SEMA3A: variants seen among roughly 807,000 people sequenced by gnomAD.
SEMA3A encodes the protein semaphorin 3A.
SEMA3A carries 29 observed loss-of-function variants against 97.9 expected under a neutral mutation model. The observed-to-expected ratio is 0.30, with a 90% CI of 0.22 to 0.40. The LOEUF (loss-of-function observed/expected upper bound fraction) is 0.40, where lower values mean the gene tolerates loss of function less well. Ranked by LOEUF, SEMA3A falls within the 10% of genes least tolerant of loss-of-function variation. SEMA3A has a pLI of 1.00. For synonymous variants in SEMA3A, 321 were observed against 323.7 expected (o/e 0.99, Z 0.09); for missense variants, 763 against 951.3 (o/e 0.80, Z 2.60).
chr7:84,352,093 G>A (rs1363009782), intron 2 of SEMA3A, among the ~76,000 whole-genome samples: 1 of 150,664 alleles, frequency 6.6e-6, no homozygotes, highest in African/African-American at 2.4e-5. Context: ...GGATGGAACT[G>A]GAGGACCTTT....
chr7:84,233,136 A>G (rs543759068), intron 3 of SEMA3A, among the ~76,000 whole-genome samples: 50 of 152,150 alleles, frequency 3.3e-4, no homozygotes, highest in Admixed American at 3.0e-3. Flanking sequence ...CTTCTCAATC[A>G]TGCAATATTT....
At chr7:84,309,418 A>C (rs1408356064) in intron 2 of SEMA3A, among the ~76,000 whole-genome samples, 4 of 152,140 alleles carry the variant, frequency 2.6e-5, no homozygotes, top group Non-Finnish European at 4.4e-5. Context: ...TGAGGCTATG[A>C]AGGTCAGTGG....
At chr7:84,218,576 C>A (rs974173870) in intron 3 of SEMA3A, among the ~76,000 whole-genome samples, 11 of 152,006 alleles carry the variant, frequency 7.2e-5, no homozygotes, top group African/African-American at 1.9e-4. Flanking sequence ...TATTTTTTGG[C>A]CTCAATTCAA....
intron 14 of SEMA3A, among the ~76,000 whole-genome samples, chr7:83,978,106 C>T (rs918288835): frequency 6.6e-6 from 1 of 152,058 alleles, no homozygotes; most frequent in Admixed American, 6.6e-5. Flanking sequence ...CTGGCCATAT[C>T]AACCTGTTCT....
chr7:84,150,429 A>G (rs1796603940), intron 1 of SEMA3A, among the ~76,000 whole-genome samples: 1 of 152,182 alleles, frequency 6.6e-6, no homozygotes, highest in Non-Finnish European at 1.5e-5. Flanking sequence ...CTCACTCGGG[A>G]AGCGCAAGGG....
At chr7:84,199,261 T>C (rs1309303914), upstream of SEMA3A, among the ~76,000 whole-genome samples, 1 of 152,186 alleles carries the variant, frequency 6.6e-6, no homozygotes, top group Non-Finnish European at 1.5e-5. Context: ...AAAATGTACC[T>C]GAAGTTAGGA....
At chr7:84,227,484 T>C (rs1006810810) in intron 3 of SEMA3A, among the ~76,000 whole-genome samples, 4 of 152,098 alleles carry the variant, frequency 2.6e-5, no homozygotes, top group African/African-American at 7.2e-5. Context: ...AATAGCTGCC[T>C]GGAAAAGTCA....
chr7:84,058,633 A>G (rs1294437496), intron 5 of SEMA3A, among the ~76,000 whole-genome samples: 1 of 152,154 alleles, frequency 6.6e-6, no homozygotes, highest in African/African-American at 2.4e-5. Context: ...ATGATTTCAG[A>G]AGTTAATTTA....
chr7:84,179,221 C>T (rs1005380731), intron 1 of SEMA3A, among the ~76,000 whole-genome samples: 1 of 152,128 alleles, frequency 6.6e-6, no homozygotes, highest in African/African-American at 2.4e-5. Flanking sequence ...ACTATTAGTA[C>T]TTATTAGAAG....
chr7:84,326,992 C>T (rs139967417), intron 2 of SEMA3A, among the ~76,000 whole-genome samples: 1 of 152,122 alleles, frequency 6.6e-6, no homozygotes, highest in African/African-American at 2.4e-5. Flanking sequence ...AACTTAAGAG[C>T]TTCTGCATAG....
chr7:84,065,601 C>T (rs1583905984), intron 4 of SEMA3A, among the ~76,000 whole-genome samples: 1 of 150,012 alleles, frequency 6.7e-6, no homozygotes. Context: ...ACCACTGATC[C>T]CACAGAAATA....
chr7:84,003,531 T>C (rs1269523954), intron 11 of SEMA3A, among the ~76,000 whole-genome samples: 1 of 152,112 alleles, frequency 6.6e-6, no homozygotes, highest in African/African-American at 2.4e-5. Context: ...ATCCACATCA[T>C]CAGACATTCA....
At chr7:84,404,451 C>A (rs147994025) in intron 1 of SEMA3A, among the ~76,000 whole-genome samples, 2 of 151,830 alleles carry the variant, frequency 1.3e-5, no homozygotes, top group Non-Finnish European at 2.9e-5. Flanking sequence ...GAGAATGGAA[C>A]CCAGTTGGAA....
chr7:84,468,728 G>A (rs974098742), intron 1 of SEMA3A, among the ~76,000 whole-genome samples: 2 of 151,946 alleles, frequency 1.3e-5, no homozygotes, highest in African/African-American at 4.8e-5. Flanking sequence ...TTCATGTTCA[G>A]TATAAATTGG....
chr7:84,438,738 C>T (rs1428961121), intron 1 of SEMA3A, among the ~76,000 whole-genome samples: 1 of 151,916 alleles, frequency 6.6e-6, no homozygotes, highest in African/African-American at 2.4e-5. Context: ...ATAGAAACAA[C>T]CAAGAGTTTG....
At chr7:84,390,869 T>A (rs181001029) in intron 1 of SEMA3A, among the ~76,000 whole-genome samples, 6 of 152,266 alleles carry the variant, frequency 3.9e-5, no homozygotes, top group African/African-American at 1.4e-4. Context: ...AATGGTGGCC[T>A]GTGTTTGGTT....
intron 3 of SEMA3A, among the ~76,000 whole-genome samples, chr7:84,267,069 C>T (rs1800024749): frequency 1.3e-5 from 2 of 152,062 alleles, no homozygotes; most frequent in Non-Finnish European, 2.9e-5. Context: ...ACAGGTTGAA[C>T]ATCTCAAATC....
chr7:84,362,493 G>C (rs1198961129), intron 2 of SEMA3A, among the ~76,000 whole-genome samples: 1 of 151,988 alleles, frequency 6.6e-6, no homozygotes, highest in African/African-American at 2.4e-5. Flanking sequence ...CTTTTTGCTA[G>C]AGTTGAATAA....
intron 1 of SEMA3A, among the ~76,000 whole-genome samples, chr7:84,179,773 G>A (rs1797680846): frequency 6.6e-6 from 1 of 151,818 alleles, no homozygotes; most frequent in Non-Finnish European, 1.5e-5. Flanking sequence ...AGATGAGAAA[G>A]AGAACAATAA....
Sources: allele counts gnomAD v4.1 joint callset (sites outside exome capture counted in the v4.1 genomes callset), GRCh38; gene constraint gnomAD v4.1.1; transcripts MANE v1.5; gene names NCBI Gene and HGNC (gene_info 2026-07-23, HGNC 2026-07-21).